Variants in TMC5 observed in about 807,000 individuals in gnomAD.
The protein encoded by TMC5 is transmembrane channel-like protein 5.
In TMC5, 86 loss-of-function variants were observed where a neutral mutation model predicts 110.5. That is an observed-to-expected ratio of 0.78 (90% confidence interval 0.65 to 0.93). The LOEUF is 0.93. Among genes scored for constraint, TMC5 ranks in the 40% least tolerant of loss-of-function variants. The pLI is 0.00. For synonymous variants in TMC5, 455 were observed against 439.5 expected (o/e 1.04, Z -0.44); for missense variants, 1,144 against 1,222.8 (o/e 0.94, Z 0.96).
At chr16:19,488,098 G>T (rs563635864) in intron 17 of TMC5, among the ~76,000 whole-genome samples, 1 of 152,260 alleles carries the variant, frequency 6.6e-6, no homozygotes, top group Non-Finnish European at 1.5e-5. Flanking sequence ...CCTGATAAAG[G>T]GGGCGGTTGC....
chr16:19,466,116 T>A lies in TMC5; in HGVS notation c.1520T>A (p.Phe507Tyr). 2 of 1,614,112 alleles carry A rather than the reference T, an allele frequency of 1.2e-6. No homozygotes were observed. The highest frequency in any genetic ancestry group is 1.7e-6 in the Non-Finnish European group (2 of 1,180,024). ...YFRDTVMYYG[F>Y]YTNSTIQHGN... ...AGGGACACAGTGATGTACTATGGCT[T>A]TTACACCAATTCCACCATCCAGCAC... The change falls in exon 9 of 22, where the codon TTT (phenylalanine) becomes TAT (tyrosine). Residue 507 changes from phenylalanine (F) to tyrosine (Y), a missense_variant. By Grantham distance (22) the Phe-to-Tyr change is conservative (BLOSUM62 3). Coordinates refer to ENST00000542583, the MANE Select transcript of TMC5 (RefSeq NM_001261841.2).
In TMC5 at chr16:19,490,315, C is replaced by T. The variant is rs1485603575; in HGVS notation, c.2574-80C>T. 4 of 1,417,624 alleles carry T rather than the reference C, an allele frequency of 2.8e-6. No individual in the cohort carries two copies. The East Asian group carries it at 9.1e-5, about 32-fold the overall frequency. 87.8% of individuals were successfully genotyped at this position (1,417,624 alleles called of 1,614,324 possible). On this transcript the variant is annotated intron_variant, in intron 17 of 21. Transcript: ENST00000542583. ...AGACTTGATGTTTTCAGGCCCAGAG[C>T]CCAGAAGGGACACCCTGATTCTAGA...
chr16:19,495,008 ATTCTTT>A lies in TMC5; in HGVS notation c.2931+645_2931+650del, dbSNP rs1969014481. On this transcript the variant is annotated intron_variant, in intron 20 of 21. Transcript: ENST00000542583. ...TCTCACTATGAATACTTCAGTGTCT[ATTCTTT>A]TTTTTTTTTTTTTTTTTTGAGACGG... Among the ~76,000 whole-genome samples the A allele has an allele frequency of 8.1e-5, 3 of 37,142 alleles. 1 individual carries two copies. The highest frequency in any genetic ancestry group is 1.6e-4 in the Non-Finnish European group (3 of 18,614). The allele number at this position is 37,142 out of a possible 152,430, so 24.4% of individuals were successfully genotyped here. A position where few individuals can be genotyped will look rare whatever the true frequency, so the allele number is the denominator to read the frequency against.
chr16:19,461,364 A>G (rs907298086), intron 6 of TMC5, among the ~76,000 whole-genome samples: 9 of 152,168 alleles, frequency 5.9e-5, no homozygotes, highest in Non-Finnish European at 1.2e-4. Context: ...TCATGAGGTC[A>G]GGAGTTTGAG....
At chr16:19,486,565 T>A (rs761379573) in intron 15 of TMC5, among the ~76,000 whole-genome samples, 3 of 152,094 alleles carry the variant, frequency 2.0e-5, no homozygotes, top group Admixed American at 2.0e-4. Context: ...TTTGTAGAGA[T>A]GGGGTTTCAC....
At chr16:19,434,161 ATATG>A (rs1967265385) in intron 2 of TMC5, among the ~76,000 whole-genome samples, 1 of 51,648 alleles carries the variant, frequency 1.9e-5, no homozygotes, top group African/African-American at 4.3e-5. Context: ...ATAGATCTAT[ATATG>A]ATATATAGAT....
chr16:19,492,915 G>GATAGATATATATATAT lies in TMC5; in HGVS notation c.2826+690_2826+691insGATATATATATATATA, dbSNP rs58561457. ...ATTATTTTTTATTTATTAAAACTTA[G>GATAGATATATATATAT]ATATATATATATATATATCTCTCTA... is the stretch of plus-strand genomic sequence containing the variant. On this transcript the variant is annotated intron_variant, in intron 19 of 21. Transcript: ENST00000542583. 1.8e-3 allele frequency among the ~76,000 whole-genome samples: 75 copies of GATAGATATATATATAT among 42,772 alleles called. 1 individual carries two copies. The highest frequency in any genetic ancestry group is 3.7e-3 in the African/African-American group (69 of 18,634). The allele number at this position is 42,772 out of a possible 152,430, so 28.1% of individuals were successfully genotyped here.
intron 15 of TMC5, among the ~76,000 whole-genome samples, chr16:19,485,427 G>A (rs1487350452): frequency 2.0e-5 from 3 of 152,156 alleles, no homozygotes; most frequent in African/African-American, 7.2e-5. Context: ...GACCCTAGAT[G>A]TCAAAACGTC....
intron 20 of TMC5, among the ~76,000 whole-genome samples, chr16:19,495,478 G>C (rs74566366): frequency 2.4e-3 from 365 of 152,172 alleles, no homozygotes; most frequent in African/African-American, 8.3e-3. Flanking sequence ...ACTATATCTT[G>C]AACGATGTTT....
intron 2 of TMC5, among the ~76,000 whole-genome samples, chr16:19,433,454 A>G (rs1006806892): frequency 1.3e-5 from 2 of 152,210 alleles, no homozygotes; most frequent in Non-Finnish European, 2.9e-5. Flanking sequence ...AGGGGACTCC[A>G]GAGTCTCTCC....
chr16:19,436,463 T>C (rs891562379), intron 2 of TMC5, among the ~76,000 whole-genome samples: 2 of 152,180 alleles, frequency 1.3e-5, no homozygotes, highest in African/African-American at 2.4e-5. Flanking sequence ...TGGAAGTTTC[T>C]GGAGCATAAA....
rs369805960 is a variant in TMC5, at chr16:19,440,436, G to A, written c.398G>A (p.Arg133Gln). The A allele has an allele frequency of 1.1e-5, 18 of 1,613,982 alleles. No homozygotes were observed. Among genetic ancestry groups the A allele is most frequent in the Middle Eastern group, 1.6e-4 (1 of 6,062 alleles). Residue 133 changes from arginine to glutamine, a missense_variant, in exon 3 of 22, where the codon CGA becomes CAA. Arg to Gln is a conservative substitution (Grantham distance 43, BLOSUM62 1). Coordinates refer to ENST00000542583, the MANE Select transcript of TMC5 (RefSeq NM_001261841.2). ...CAACCAGACTACCCTGGATCTCAAC[G>A]AAATCCTGATTTTGCAGGCTCCAGC... The part of the protein sequence containing the change: ...SRQPDYPGSQ[R>Q]NPDFAGSSSS...
intron 19 of TMC5, among the ~76,000 whole-genome samples, chr16:19,492,631 A>G (rs1312116534): frequency 1.3e-5 from 2 of 151,734 alleles, no homozygotes; most frequent in African/African-American, 2.4e-5. Context: ...TTTTTAGTGG[A>G]GACAGGGTTT....
In TMC5 at chr16:19,477,422, G is replaced by A. The variant is rs1968515518; in HGVS notation, c.2091-18G>A. Reference sequence around the variant, plus strand: ...ACTGCCATTGAAGGTAATCATAAATGTTGTCTCTTCTGTTTAGAAACATCT... The same window carrying A: ...ACTGCCATTGAAGGTAATCATAAATATTGTCTCTTCTGTTTAGAAACATCT... On this transcript the variant is annotated intron_variant, in intron 12 of 21. Transcript: ENST00000542583. The A allele has an allele frequency of 1.9e-6, 3 of 1,569,952 alleles. No homozygotes were observed. The highest frequency in any genetic ancestry group is 2.2e-5 in the East Asian group (1 of 44,616).
In TMC5 at chr16:19,440,662, A is replaced by G; in HGVS notation, c.624A>G (p.Pro208=). Residue 208 remains proline (P), a synonymous_variant, in exon 3 of 22, where the codon CCA becomes CCG. Transcript: ENST00000542583. ...YADSLGKPDY[P]GADIQPNSPP... is the part of the protein sequence containing the mutation. ...ACTCTCTGGGAAAGCCTGATTATCC[A>G]GGCGCTGACATTCAACCTAACTCTC... The G allele has an allele frequency of 1.9e-6, 3 of 1,614,228 alleles. No individual in the cohort carries two copies. Among genetic ancestry groups the G allele is most frequent in the South Asian group, 1.1e-5 (1 of 91,084 alleles).
intron 9 of TMC5, among the ~76,000 whole-genome samples, chr16:19,467,339 G>A (rs2143614896): frequency 6.6e-6 from 1 of 152,182 alleles, no homozygotes; most frequent in African/African-American, 2.4e-5. Context: ...TTGGCTTGTA[G>A]ACGGCCACTG....
Position 19,466,235 on chromosome 16 carries a change from T to C in TMC5, c.1637+2T>C. The stretch of plus-strand genomic sequence containing the variant: ...CTGCTTCTTCAGTTTGCTGTTCAGG[T>C]ATGGAAGCATCTACATTTCCTGATT... On this transcript the variant is annotated splice_donor_variant, in intron 9 of 21. Transcript: ENST00000542583. LOFTEE classifies it high-confidence loss of function. 1 of 1,613,386 alleles carries C rather than the reference T, an allele frequency of 6.2e-7. No individual in the cohort carries two copies. The highest frequency in any genetic ancestry group is 8.5e-7 in the Non-Finnish European group (1 of 1,179,758).
At chr16:19,476,083 C>T (rs1461499749) in intron 12 of TMC5, among the ~76,000 whole-genome samples, 5 of 152,114 alleles carry the variant, frequency 3.3e-5, no homozygotes, top group South Asian at 4.1e-4. Flanking sequence ...TGCAGTGGCT[C>T]GTGCCTGTAA....
At chr16:19,427,392 C>T (rs1567297591) in intron 1 of TMC5, among the ~76,000 whole-genome samples, 1 of 152,188 alleles carries the variant, frequency 6.6e-6, no homozygotes, top group Non-Finnish European at 1.5e-5. Context: ...TTCGAGGCTG[C>T]AGTGAGCTAT....
Sources: gnomAD v4.1 joint callset for allele counts (sites outside exome capture counted in the v4.1 genomes callset) on GRCh38, gnomAD v4.1.1 for gene constraint, MANE v1.5 for transcripts, NCBI Gene and HGNC (gene_info 2026-07-23, HGNC 2026-07-21) for gene names.